The following ABTB2 variants were observed in gnomAD, a reference collection of about 807,000 sequenced individuals.
The protein encoded by ABTB2 is ankyrin repeat and BTB/POZ domain-containing protein 2.
A neutral mutation model predicts 104.1 loss-of-function variants in ABTB2; 56 were observed. The observed-to-expected ratio is 0.54, with a 90% CI of 0.43 to 0.67. The LOEUF (loss-of-function observed/expected upper bound fraction) is 0.67. Among genes scored for constraint, ABTB2 ranks in the 30% least tolerant of loss-of-function variants. The pLI, the probability that ABTB2 is intolerant of heterozygous loss-of-function variation, is 0.00. For missense variants in ABTB2, 1,279 were observed against 1,407.7 expected (o/e 0.91, Z 1.46); for synonymous variants, 606 against 608.2 (o/e 1.00, Z 0.05).
At chr11:34,271,269 G>A (rs1854311039) in intron 1 of ABTB2, among the ~76,000 whole-genome samples, 2 of 152,184 alleles carry the variant, frequency 1.3e-5, no homozygotes, top group Admixed American at 1.3e-4. Flanking sequence ...TGGAAATGAA[G>A]ATAATAATCA....
intron 1 of ABTB2, among the ~76,000 whole-genome samples, chr11:34,350,411 C>A (rs914106911): frequency 6.6e-6 from 1 of 152,200 alleles, no homozygotes; most frequent in Non-Finnish European, 1.5e-5. Flanking sequence ...GTGTACTCTG[C>A]GGCTTCTCTA....
chr11:34,256,843 A>G (rs1433969388), intron 1 of ABTB2, among the ~76,000 whole-genome samples: 1 of 152,170 alleles, frequency 6.6e-6, no homozygotes, highest in East Asian at 1.9e-4. Flanking sequence ...TTACAACCTA[A>G]AAAATCTTGC....
chr11:34,338,418 C>T (rs7944118), intron 1 of ABTB2, among the ~76,000 whole-genome samples: 7,204 of 151,248 alleles, frequency 0.048, 489 homozygotes, highest in East Asian at 0.31. Context: ...ATGTTCTGGT[C>T]GGGAATGGCG....
chr11:34,355,009 G>T (rs1855449099), intron 1 of ABTB2, among the ~76,000 whole-genome samples: 1 of 152,208 alleles, frequency 6.6e-6, no homozygotes, highest in African/African-American at 2.4e-5. Context: ...ACAACAAGCA[G>T]CTGTGACATC....
At chr11:34,200,061 C>T (rs2957499) in intron 2 of ABTB2, among the ~76,000 whole-genome samples, 145,455 of 152,134 alleles carry the variant, frequency 0.96, 69,887 homozygotes, top group East Asian at 1. Flanking sequence ...TCACAACCAC[C>T]AGCCAACCCG....
chr11:34,271,796 A>T (rs1238120739), intron 1 of ABTB2, among the ~76,000 whole-genome samples: 1 of 152,112 alleles, frequency 6.6e-6, no homozygotes, highest in Non-Finnish European at 1.5e-5. Context: ...TTGCCTTTGG[A>T]ACCATGGAAG....
intron 5 of ABTB2, 141 bp downstream of exon 5, chr11:34,170,765 G>T (rs1007134608): frequency 2.0e-6 from 2 of 983,006 alleles, no homozygotes; most frequent in Non-Finnish European, 2.9e-6. Context: ...AGGCAGGGCA[G>T]GATTCAGGGA....
At chr11:34,285,834 T>C (rs1460175962) in intron 1 of ABTB2, among the ~76,000 whole-genome samples, 2 of 152,138 alleles carry the variant, frequency 1.3e-5, no homozygotes, top group Non-Finnish European at 2.9e-5. Flanking sequence ...TGTTTCTTCT[T>C]TTACTAAGCT....
intron 1 of ABTB2, among the ~76,000 whole-genome samples, chr11:34,268,211 TGG>T (rs1317827437): frequency 6.6e-6 from 1 of 152,230 alleles, no homozygotes; most frequent in Admixed American, 6.5e-5. Context: ...ATCAAAGTGT[TGG>T]GATTACAGGC....
intron 1 of ABTB2, among the ~76,000 whole-genome samples, chr11:34,293,984 T>G (rs149245955): frequency 3.3e-5 from 5 of 152,198 alleles, no homozygotes; most frequent in African/African-American, 4.8e-5. Context: ...AAATGAAGTA[T>G]GAAAATTCTT....
At chr11:34,184,990 G>A (rs1364161013) in intron 3 of ABTB2, among the ~76,000 whole-genome samples, 1 of 152,228 alleles carries the variant, frequency 6.6e-6, no homozygotes, top group Non-Finnish European at 1.5e-5. Context: ...CTGCCAAGAA[G>A]ACAGACGTGG....
chr11:34,338,691 A>G (rs1191285040), intron 1 of ABTB2, among the ~76,000 whole-genome samples: 1 of 152,198 alleles, frequency 6.6e-6, no homozygotes, highest in East Asian at 1.9e-4. Context: ...TGACAGAGGG[A>G]GACTTCCTCT....
intron 4 of ABTB2, 74 bp downstream of exon 4, chr11:34,173,081 G>A: frequency 6.3e-7 from 1 of 1,589,052 alleles, no homozygotes; most frequent in South Asian, 1.1e-5. Context: ...GCCATCTGGG[G>A]AAGAAGCGAG....
At chr11:34,232,423 C>T (rs1357838009) in intron 1 of ABTB2, among the ~76,000 whole-genome samples, 1 of 140,798 alleles carries the variant, frequency 7.1e-6, no homozygotes, top group Non-Finnish European at 1.5e-5. Context: ...GCACTCCAGC[C>T]TGGGCAATAG....
chr11:34,181,748 C>T (rs1853030438), intron 3 of ABTB2, among the ~76,000 whole-genome samples: 1 of 152,202 alleles, frequency 6.6e-6, no homozygotes, highest in Admixed American at 6.5e-5. Flanking sequence ...AAGAGAGCTC[C>T]CCATCACCCG....
At chr11:34,345,188 CCCA>C (rs1208586705) in intron 1 of ABTB2, among the ~76,000 whole-genome samples, 1 of 152,164 alleles carries the variant, frequency 6.6e-6, no homozygotes, top group African/African-American at 2.4e-5. Context: ...CACTAACCAC[CCCA>C]CCATTTCCTC....
intron 1 of ABTB2, among the ~76,000 whole-genome samples, chr11:34,319,094 C>A (rs1854971920): frequency 6.6e-6 from 1 of 152,208 alleles, no homozygotes; most frequent in South Asian, 2.1e-4. Flanking sequence ...TTGTCAGCCC[C>A]ACAGAGTAAT....
intron 1 of ABTB2, among the ~76,000 whole-genome samples, chr11:34,206,521 A>G (rs1853409404): frequency 6.6e-6 from 1 of 152,206 alleles, no homozygotes; most frequent in African/African-American, 2.4e-5. Flanking sequence ...TCTGGGATGG[A>G]CTGGTTCCAC....
At chr11:34,275,508 GA>G (rs1206663761) in intron 1 of ABTB2, among the ~76,000 whole-genome samples, 8 of 151,976 alleles carry the variant, frequency 5.3e-5, no homozygotes, top group African/African-American at 1.9e-4. Context: ...CCTGCCTTAA[GA>G]GGGGGCTAAA....
Sources: gnomAD v4.1 joint callset for allele counts (sites outside exome capture counted in the v4.1 genomes callset) on GRCh38, gnomAD v4.1.1 for gene constraint, MANE v1.5 for transcripts, NCBI Gene and HGNC (gene_info 2026-07-23, HGNC 2026-07-21) for gene names.